Variants in EVC observed in about 807,000 individuals in gnomAD.
The protein encoded by EVC is evC complex member EVC.
EVC carries 116 observed loss-of-function variants against 118.9 expected under a neutral mutation model. The observed-to-expected ratio is 0.98, with a 90% CI of 0.84 to 1.14. The LOEUF (loss-of-function observed/expected upper bound fraction) is 1.14. EVC is among the 50% of genes most tolerant of loss of function. The probability of loss-of-function intolerance (pLI) is 0.00; values close to 1 mark genes in which losing one functional copy is unlikely to be tolerated. For synonymous variants in EVC, 619 were observed against 534.7 expected (o/e 1.16, Z -2.18); for missense variants, 1,401 against 1,246.4 (o/e 1.12, Z -1.87).
chr4:5,736,003 T>A (rs1727610433), intron 5 of EVC, among the ~76,000 whole-genome samples: 1 of 152,124 alleles, frequency 6.6e-6, no homozygotes, highest in South Asian at 2.1e-4. Flanking sequence ...TCAGAAGTTA[T>A]TCAGACCACA....
rs531028486 is a variant in EVC at position 5,798,448 on chromosome 4, G to T, written c.2098-138G>T. 341 of 851,898 alleles carry T rather than the reference G, an allele frequency of 4.0e-4. 3 individuals are homozygous for T. The highest frequency in any genetic ancestry group is 3.7e-3 in the South Asian group (260 of 69,608). The allele number at this position is 851,898 out of a possible 1,614,324, so 52.8% of individuals were successfully genotyped here. A position where few individuals can be genotyped will look rare whatever the true frequency, so the allele number is the denominator to read the frequency against. ...TCCATTGATTTTTGCAAGCCCAGAG[G>T]CCACCTCTTTCTGCCCTTTCTCCAT... On this transcript the variant is annotated intron_variant, in intron 14 of 20. Coordinates refer to ENST00000264956, the MANE Select transcript of EVC (RefSeq NM_153717.3). This position sits in a 1 kb window ranked among gnomAD's most constrained non-coding sequence, Gnocchi z 4.1.
intron 2 of EVC, among the ~76,000 whole-genome samples, chr4:5,722,228 G>A (rs772874788): frequency 6.6e-6 from 1 of 152,118 alleles, no homozygotes; most frequent in African/African-American, 2.4e-5. Context: ...TTCCTGCCAC[G>A]GAATAAGTGC....
intron 11 of EVC, among the ~76,000 whole-genome samples, chr4:5,763,581 C>G (rs1012919143): frequency 4.6e-5 from 6 of 130,370 alleles, no homozygotes; most frequent in African/African-American, 1.8e-4. Context: ...TTTCATTGAG[C>G]AGTGGTTTGT....
In EVC at chr4:5,755,087, C is replaced by G. The variant is rs1261039941; in HGVS notation, c.1464+1154C>G. 6.6e-6 allele frequency among the ~76,000 whole-genome samples: 1 copy of G among 152,054 alleles called. No individual in the cohort carries two copies. On this transcript the variant is annotated intron_variant, in intron 10 of 20. Transcript: ENST00000264956. This position sits in a 1 kb window ranked among gnomAD's most constrained non-coding sequence, Gnocchi z 4.1. ...CAGCTGCCTCCCTCACCCAGGGGGC[C>G]TCTTCCAGGCCCATACTTGGAGCTT...
Position 5,811,234 on chromosome 4 carries a change from C to G in EVC, c.*197C>G. The G allele has an allele frequency of 3.5e-6, 2 of 575,322 alleles. No homozygotes were observed. The highest frequency in any genetic ancestry group is 4.0e-5 in the South Asian group (2 of 50,534). 35.6% of individuals were successfully genotyped at this position (575,322 alleles called of 1,614,324 possible). A position where few individuals can be genotyped will look rare whatever the true frequency, so the allele number is the denominator to read the frequency against. ...ATCACCTGAGAAAATTAGGCATTCC[C>G]GTCTTGGAAACACGTCTCTGTGAGT... On this transcript the variant is annotated 3_prime_UTR_variant, in exon 21 of 21. Coordinates refer to ENST00000264956, the MANE Select transcript of EVC (RefSeq NM_153717.3).
At chr4:5,729,600 A>G (rs957971912) in intron 3 of EVC, among the ~76,000 whole-genome samples, 3 of 152,150 alleles carry the variant, frequency 2.0e-5, no homozygotes, top group African/African-American at 7.2e-5. Context: ...TTGTATCCCC[A>G]GGGACACGAG....
chr4:5,732,457 C>T (rs771540333), intron 4 of EVC, among the ~76,000 whole-genome samples: 14 of 152,224 alleles, frequency 9.2e-5, no homozygotes, highest in South Asian at 6.2e-4. Context: ...TGGCTTAGAA[C>T]GGCTTGCTTT....
intron 15 of EVC, among the ~76,000 whole-genome samples, chr4:5,800,314 C>T (rs914055299): frequency 2.6e-5 from 4 of 152,172 alleles, no homozygotes; most frequent in Non-Finnish European, 4.4e-5. Context: ...CACTGCACTC[C>T]AGCCTGGGTG....
intron 11 of EVC, among the ~76,000 whole-genome samples, chr4:5,775,743 T>C (rs372737301): frequency 6.6e-6 from 1 of 152,192 alleles, no homozygotes; most frequent in Non-Finnish European, 1.5e-5. Flanking sequence ...ACGTGAACTT[T>C]CTTGTAGAAG....
At chr4:5,815,484 C>T (rs560939742), downstream of EVC, among the ~76,000 whole-genome samples, 8 of 152,174 alleles carry the variant, frequency 5.3e-5, no homozygotes, top group Middle Eastern at 3.4e-3. Context: ...GAAATGTGGC[C>T]GTTTAGAGGG....
At chr4:5,805,111 A>G (rs1715659307) in intron 17 of EVC, among the ~76,000 whole-genome samples, 1 of 152,110 alleles carries the variant, frequency 6.6e-6, no homozygotes, top group Non-Finnish European at 1.5e-5. Context: ...CACAGGTCTA[A>G]GCCATGTTTA....
At chr4:5,726,714 C>T (rs1288439977) in intron 2 of EVC, among the ~76,000 whole-genome samples, 1 of 114,544 alleles carries the variant, frequency 8.7e-6, no homozygotes, top group Non-Finnish European at 1.7e-5. Flanking sequence ...GATGCTATCC[C>T]TCCCCCCTCC....
chr4:5,798,670 G>A lies in EVC; in HGVS notation c.2182G>A (p.Glu728Lys), dbSNP rs769878309. The change falls in exon 15 of 21, where the codon GAG (glutamate) becomes AAG (lysine). Residue 728 changes from glutamate to lysine, a missense_variant. Physicochemically the swap from Glu to Lys is moderately conservative, Grantham distance 56. Coordinates refer to ENST00000264956, the MANE Select transcript of EVC (RefSeq NM_153717.3). This position sits in a 1 kb window ranked among gnomAD's most constrained non-coding sequence, Gnocchi z 4.1. ...RLQLQQRLLA[E>K]AQEVGQLLQQ... ...GCAGCTCCAGCAGCGGCTCCTGGCC[G>A]AGGCCCAGGAGGTGGGGCAGCTTCT... 54 of 1,596,678 alleles carry A rather than the reference G, an allele frequency of 3.4e-5. No individual in the cohort carries two copies. Among genetic ancestry groups the A allele is most frequent in the East Asian group, 6.8e-5 (3 of 43,798 alleles).
At chr4:5,729,452 AG>A (rs1726426987) in intron 3 of EVC, 62 bp downstream of exon 3, 7 of 1,481,128 alleles carry the variant, frequency 4.7e-6, no homozygotes, top group Non-Finnish European at 6.6e-6. Context: ...AGAGATTGGG[AG>A]GAAAGTGGGG....
At position 5,798,463 on chromosome 4, in the gene EVC, C is replaced by G; in HGVS notation, c.2098-123C>G. ...AAGCCCAGAGGCCACCTCTTTCTGC[C>G]CTTTCTCCATCCCTTTTCCAACCCC... On this transcript the variant is annotated intron_variant, in intron 14 of 20. Transcript: ENST00000264956. The surrounding 1 kb of genome is among the most constrained non-coding windows in gnomAD (Gnocchi z 4.1). 1.0e-6 allele frequency: 1 copy of G among 980,542 alleles called. No individual in the cohort carries two copies. The allele number at this position is 980,542 out of a possible 1,614,324, so 60.7% of individuals were successfully genotyped here.
intron 11 of EVC, among the ~76,000 whole-genome samples, chr4:5,781,671 C>T (rs1263798429): frequency 1.3e-5 from 2 of 151,924 alleles, no homozygotes; most frequent in Non-Finnish European, 2.9e-5. Flanking sequence ...ACCTCATCTC[C>T]ACAAAAAAAT....
chr4:5,810,430 C>T lies in EVC; in HGVS notation c.2874C>T (p.Asp958=). 2 of 1,612,420 alleles carry T rather than the reference C, an allele frequency of 1.2e-6. No homozygotes were observed. The highest frequency in any genetic ancestry group is 2.2e-5 in the East Asian group (1 of 44,846). ...VPNNEDLASG[D]QTSGSLSSKR... is the part of the protein sequence containing the mutation. ...ACAATGAGGACCTTGCCTCCGGGGA[C>T]CAGACCTCAGGCTCACTCAGGTATG... Residue 958 remains aspartate, a synonymous_variant, in exon 20 of 21, where the codon GAC becomes GAT. Coordinates refer to ENST00000264956, the MANE Select transcript of EVC (RefSeq NM_153717.3).
In EVC at chr4:5,783,649, G is replaced by A. The variant is rs1735974160; in HGVS notation, c.1661G>A (p.Cys554Tyr). 1 of 1,614,224 alleles carries A rather than the reference G, an allele frequency of 6.2e-7. No homozygotes were observed. The highest frequency in any genetic ancestry group is 1.6e-4 in the Middle Eastern group (1 of 6,062). The change falls in exon 12 of 21, where the codon TGT (cysteine) becomes TAT (tyrosine). Residue 554 changes from cysteine to tyrosine, a missense_variant. Transcript: ENST00000264956. ...PGMTGLPPEECDYLRQEVQEN... is the reference protein window; with the variant it reads ...PGMTGLPPEEYDYLRQEVQEN... ...ATGACTGGCCTCCCCCCGGAAGAGTGTGACTACTTGAGGCAGGAAGTCCAG... is the reference window on the plus strand; with the variant it reads ...ATGACTGGCCTCCCCCCGGAAGAGTATGACTACTTGAGGCAGGAAGTCCAG...
chr4:5,804,871 G>T, intron 17 of EVC, 30 bp downstream of exon 17: 1 of 1,567,058 alleles, frequency 6.4e-7, no homozygotes, highest in Non-Finnish European at 8.8e-7. Context: ...CCCACGTAGG[G>T]CTGTTCTCTA....
Sources: allele counts gnomAD v4.1 joint callset (sites outside exome capture counted in the v4.1 genomes callset), GRCh38; gene constraint gnomAD v4.1.1; non-coding constraint Gnocchi (gnomAD v3.1); transcripts MANE v1.5; gene names NCBI Gene and HGNC (gene_info 2026-07-23, HGNC 2026-07-21).